The following TG variants were observed in gnomAD, a reference collection of about 807,000 sequenced individuals.
The protein encoded by TG is thyroglobulin.
In TG, 270 loss-of-function variants were observed where a neutral mutation model predicts 324.7. The observed-to-expected ratio is 0.83, with a 90% CI of 0.75 to 0.92. The LOEUF (loss-of-function observed/expected upper bound fraction) is 0.92, where lower values mean the gene tolerates loss of function less well. Ranked by LOEUF, TG falls within the 40% of genes least tolerant of loss-of-function variation. TG has a pLI of 0.00. For missense variants in TG, 3,591 were observed against 3,456.4 expected, an observed-to-expected ratio of 1.04 and a Z score of -0.98; for synonymous variants, 1,401 against 1,327.0, an observed-to-expected ratio of 1.06 and a Z score of -1.21.
Position 133,020,989 on chromosome 8 carries a change from G to A in TG, c.6877-1002G>A, listed in dbSNP as rs559237354. On this transcript the variant is annotated intron_variant, in intron 39 of 47. Coordinates refer to ENST00000220616, the MANE Select transcript of TG (RefSeq NM_003235.5). ...GACCTTGGATGGAGCACGAGTTACC[G>A]GGTGCCTGCCTACCCCATGGCCTGA... Among the ~76,000 whole-genome samples, 12 of 152,228 alleles carry A rather than the reference G, an allele frequency of 7.9e-5. No homozygotes were observed. The East Asian group carries it at 2.1e-3, about 27-fold the overall frequency.
chr8:132,868,213 G>A lies in TG; in HGVS notation c.166G>A (p.Gly56Ser). 1 of 1,614,052 alleles carries A rather than the reference G, an allele frequency of 6.2e-7. No individual in the cohort carries two copies. Among genetic ancestry groups the A allele is most frequent in the Non-Finnish European group, 8.5e-7 (1 of 1,180,016 alleles). The change falls in exon 2 of 48, where the codon GGC (glycine) becomes AGC (serine). Residue 56 changes from glycine to serine, a missense_variant. By Grantham distance (56) the Gly-to-Ser change is moderately conservative. Coordinates refer to ENST00000220616, the MANE Select transcript of TG (RefSeq NM_003235.5). ...CTACGTGCCCCAGTGTGCAGAGGAT[G>A]GCAGCTTCCAGTAAGGCTTATGTCA... is the stretch of plus-strand genomic sequence containing the variant. Reference protein sequence around the residue: ...ADYVPQCAEDGSFQTVQCQND... With the variant: ...ADYVPQCAEDSSFQTVQCQND...
At chr8:132,883,905 A>C (rs1032416793) in intron 8 of TG, among the ~76,000 whole-genome samples, 1 of 152,194 alleles carries the variant, frequency 6.6e-6, no homozygotes, top group Non-Finnish European at 1.5e-5. Context: ...GAAGTCCAAA[A>C]TCAGGGTGTC....
In TG at chr8:132,897,839, T is replaced by C. The variant is rs192322829; in HGVS notation, c.3139+53T>C. On this transcript the variant is annotated intron_variant, in intron 12 of 47. Coordinates refer to ENST00000220616, the MANE Select transcript of TG (RefSeq NM_003235.5). ...GCCAAGTGACACCCCTTTTTTATTT[T>C]AGAGGACAGAGCCCCACACTGGGAG... The C allele has an allele frequency of 1.3e-4, 212 of 1,607,240 alleles. 1 individual carries two copies. The Admixed American group carries it at 1.5e-3, about 12-fold the overall frequency.
At chr8:132,892,681 G>T (rs1311892602) in intron 10 of TG, among the ~76,000 whole-genome samples, 2 of 151,874 alleles carry the variant, frequency 1.3e-5, no homozygotes, top group African/African-American at 4.8e-5. Context: ...GCTGTGGTGG[G>T]TGTTTATGTA....
intron 45 of TG, among the ~76,000 whole-genome samples, chr8:133,125,505 G>A (rs1194131784): frequency 1.3e-5 from 2 of 152,244 alleles, no homozygotes; most frequent in Non-Finnish European, 2.9e-5. Context: ...GGGAACTGGA[G>A]CATTACTAAT....
At position 132,941,394 on chromosome 8, in the gene TG, T is replaced by A; in HGVS notation, c.5085T>A (p.Thr1695=). ...TTTLQKRFEP[T]GFQNMLSGLY... The stretch of plus-strand genomic sequence containing the variant: ...CACTTCAGAAACGCTTTGAACCCAC[T>A]GGTTTCCAAAACATGCTTTCTGGAT... The change falls in exon 26 of 48, where the codon ACT becomes ACA. Residue 1695 remains threonine (T), a synonymous_variant. Transcript: ENST00000220616. The A allele has an allele frequency of 6.2e-7, 1 of 1,614,250 alleles. No individual in the cohort carries two copies. Among genetic ancestry groups the A allele is most frequent in the Non-Finnish European group, 8.5e-7 (1 of 1,180,048 alleles).
rs573898667 is a variant in TG, at chr8:132,932,643, G to A, written c.4817-918G>A. 5.3e-5 allele frequency among the ~76,000 whole-genome samples: 8 copies of A among 152,142 alleles called. No individual in the cohort carries two copies. In the East Asian group the frequency reaches 5.8e-4, roughly 11 times the overall value. On this transcript the variant is annotated intron_variant, in intron 23 of 47. Coordinates refer to ENST00000220616, the MANE Select transcript of TG (RefSeq NM_003235.5). ...CCCTGTTAAATCATTAATTGCCATC[G>A]TTACTCATGAATATTACACAGTTGA...
At chr8:133,041,791 T>G (rs1838298864) in intron 41 of TG, among the ~76,000 whole-genome samples, 1 of 148,334 alleles carries the variant, frequency 6.7e-6, no homozygotes, top group African/African-American at 2.5e-5. Context: ...TCAGTTTTTT[T>G]TTTTTTTTTT....
At chr8:133,098,119 A>C (rs1264166418) in intron 43 of TG, among the ~76,000 whole-genome samples, 1 of 152,130 alleles carries the variant, frequency 6.6e-6, no homozygotes, top group East Asian at 1.9e-4. Flanking sequence ...AGGGGCTGAG[A>C]TTTTATTATT....
chr8:133,094,391 T>C (rs1251450986), intron 41 of TG, among the ~76,000 whole-genome samples: 3 of 151,724 alleles, frequency 2.0e-5, no homozygotes, highest in Admixed American at 1.3e-4. Context: ...CAGGCGCCCG[T>C]CACCACGCCT....
rs773261557 is a variant in TG, at chr8:132,948,874, C to T, written c.5332C>T (p.Pro1778Ser). Residue 1778 changes from proline (P) to serine (S), a missense_variant, in exon 27 of 48, where the codon CCT (proline) becomes TCT (serine). Pro to Ser is a moderately conservative substitution (Grantham distance 74, BLOSUM62 -1). Coordinates refer to ENST00000220616, the MANE Select transcript of TG (RefSeq NM_003235.5). ...TGAAGCCTGGGCTAATGCTACATGT[C>T]CTGGTGTGACATATGACCAGGAGAG... ...PSEAWANATCPGVTYDQESHQ... is the reference protein window; with the variant it reads ...PSEAWANATCSGVTYDQESHQ... 6.2e-7 allele frequency: 1 copy of T among 1,614,066 alleles called. No individual in the cohort carries two copies. Among genetic ancestry groups the T allele is most frequent in the South Asian group, 1.1e-5 (1 of 91,074 alleles).
chr8:132,881,834 T>C (rs1814684471), intron 5 of TG, 29 bp from the exon 6 acceptor site: 1 of 1,493,482 alleles, frequency 6.7e-7, no homozygotes. Context: ...CCTTTATGAA[T>C]GGTGACCGTA....
rs537490761 is a variant in TG at position 132,921,769 on chromosome 8, CTTGT to C, written c.4529-1562_4529-1559del. Among the ~76,000 whole-genome samples the C allele has an allele frequency of 4.4e-3, 668 of 152,308 alleles. 1 individual carries two copies. Among genetic ancestry groups the C allele is most frequent in the Admixed American group, 0.011 (171 of 15,300 alleles). On this transcript the variant is annotated intron_variant, in intron 21 of 47. Coordinates refer to ENST00000220616, the MANE Select transcript of TG (RefSeq NM_003235.5). ...TTCAGCAGAAGTAGCTCTTCATTTA[CTTGT>C]TTGTTTATTGATGTATTAACTCATG...
At chr8:133,096,687 A>G (rs976561028) in intron 43 of TG, among the ~76,000 whole-genome samples, 3 of 152,200 alleles carry the variant, frequency 2.0e-5, no homozygotes, top group African/African-American at 4.8e-5. Context: ...CCCATATTTC[A>G]TGGAGGATGC....
At chr8:133,088,338 C>T (rs911721311) in intron 41 of TG, among the ~76,000 whole-genome samples, 7 of 152,174 alleles carry the variant, frequency 4.6e-5, no homozygotes, top group African/African-American at 1.7e-4. Context: ...CCACCAGCCG[C>T]TCATGAGTGG....
At chr8:132,972,184 A>G (rs1210811395) in intron 33 of TG, 5 of 462,050 alleles carry the variant, frequency 1.1e-5, no homozygotes, top group African/African-American at 5.9e-5. Flanking sequence ...ATCCATTTGC[A>G]TGATGTGTAC....
intron 26 of TG, among the ~76,000 whole-genome samples, chr8:132,945,601 G>T (rs1387099033): frequency 1.3e-5 from 2 of 152,182 alleles, no homozygotes; most frequent in African/African-American, 4.8e-5. Flanking sequence ...CTTCGAGGTG[G>T]TATCAAATGT....
rs1835182561 is a variant in TG at position 133,017,845 on chromosome 8, G to T, written c.6630G>T (p.Leu2210=). 1.2e-6 allele frequency: 2 copies of T among 1,614,044 alleles called. No homozygotes were observed. Among genetic ancestry groups the T allele is most frequent in the Non-Finnish European group, 1.7e-6 (2 of 1,180,038 alleles). The part of the protein sequence containing the change: ...SVPISTHGRL[L]GRSQAIQVGT... ...CCATTTCCACCCATGGCCGGCTGCT[G>T]GGCAGGTCCCAGGCCATCCAGGTGG... Residue 2210 remains leucine (L), a synonymous_variant, in exon 38 of 48, where the codon CTG becomes CTT. Transcript: ENST00000220616.
chr8:132,875,940 C>T (rs1361364634), intron 5 of TG, among the ~76,000 whole-genome samples: 2 of 152,126 alleles, frequency 1.3e-5, no homozygotes, highest in Non-Finnish European at 2.9e-5. Flanking sequence ...AGGGCCTAAG[C>T]TTAGCGACTC....
Sources: allele counts gnomAD v4.1 joint callset (sites outside exome capture counted in the v4.1 genomes callset), GRCh38; gene constraint gnomAD v4.1.1; transcripts MANE v1.5; gene names NCBI Gene and HGNC (gene_info 2026-07-23, HGNC 2026-07-21).